The following HS3ST3A1 variants were observed in gnomAD, a reference collection of about 807,000 sequenced individuals.
HS3ST3A1 encodes heparan sulfate-glucosamine 3-sulfotransferase 3A1.
Under a neutral mutation model 25.7 loss-of-function variants are expected in HS3ST3A1, and 19 were observed. That is an observed-to-expected ratio of 0.74 (90% confidence interval 0.52 to 1.08). The LOEUF (loss-of-function observed/expected upper bound fraction) is 1.08. HS3ST3A1 is among the 50% of genes least tolerant of loss of function. HS3ST3A1 has a pLI of 0.00. For missense variants in HS3ST3A1, 459 were observed against 594.3 expected (o/e 0.77, Z 2.37); for synonymous variants, 226 against 278.6 (o/e 0.81, Z 1.88).
At chr17:13,551,626 G>T (rs1397769446) in intron 1 of HS3ST3A1, among the ~76,000 whole-genome samples, 1 of 106,530 alleles carries the variant, frequency 9.4e-6, no homozygotes, top group Non-Finnish European at 2.1e-5. Context: ...AAAAAAAAAA[G>T]GGGGGGGGGT....
chr17:13,494,422 C>T lies in HS3ST3A1; in HGVS notation c.*1775G>A, dbSNP rs935645643. On this transcript the variant is annotated 3_prime_UTR_variant, in exon 2 of 2. Coordinates refer to ENST00000284110, the MANE Select transcript of HS3ST3A1 (RefSeq NM_006042.3). ...AAAATATTTTTTCCTTCATTTTAAT[C>T]CTGTGTTAAGCTTCTCAAGAAATAT... is the stretch of plus-strand genomic sequence containing the variant. Among the ~76,000 whole-genome samples the T allele has an allele frequency of 6.6e-6, 1 of 152,196 alleles. No homozygotes were observed. The highest frequency in any genetic ancestry group is 2.4e-5 in the African/African-American group (1 of 41,448).
intron 1 of HS3ST3A1, among the ~76,000 whole-genome samples, chr17:13,502,500 T>G (rs1204442452): frequency 6.6e-6 from 1 of 152,136 alleles, no homozygotes; most frequent in Non-Finnish European, 1.5e-5. Context: ...TAAAAAGAAC[T>G]TCCCCCATGT....
At chr17:13,517,210 A>C (rs1048373814) in intron 1 of HS3ST3A1, among the ~76,000 whole-genome samples, 2 of 152,242 alleles carry the variant, frequency 1.3e-5, no homozygotes, top group Non-Finnish European at 2.9e-5. Flanking sequence ...AACAAATTTA[A>C]TAAATATTTA....
Position 13,600,737 on chromosome 17 carries a change from G to C in HS3ST3A1, c.393C>G (p.Ser131Arg). The C allele has an allele frequency of 2.0e-6, 3 of 1,535,572 alleles. No homozygotes were observed. The highest frequency in any genetic ancestry group is 2.6e-6 in the Non-Finnish European group (3 of 1,148,126). Residue 131 changes from serine (S) to arginine (R), a missense_variant, in exon 1 of 2, where the codon AGC becomes AGG. Physicochemically the swap from Ser to Arg is moderately radical, Grantham distance 110. Around this residue, in one of 3 missense-constraint regions of HS3ST3A1, gnomAD observed 346 missense variants for 303.9 expected, o/e 1.14. Coordinates refer to ENST00000284110, the MANE Select transcript of HS3ST3A1 (RefSeq NM_006042.3). The stretch of plus-strand genomic sequence containing the variant: ...TCCCCGGCGGGGCCTCGGCCACGGT[G>C]CTTCCGGCCCCGGAGCCGCCCGGAC... ...SGGPGGSGAG[S>R]TVAEAPPGTL...
intron 1 of HS3ST3A1, among the ~76,000 whole-genome samples, chr17:13,515,633 C>T (rs946271905): frequency 1.3e-5 from 2 of 152,078 alleles, no homozygotes; most frequent in Non-Finnish European, 2.9e-5. Flanking sequence ...TATGTGAATA[C>T]AAGTTTTACC....
At chr17:13,582,990 GA>G (rs1488739341) in intron 1 of HS3ST3A1, among the ~76,000 whole-genome samples, 4 of 152,144 alleles carry the variant, frequency 2.6e-5, no homozygotes, top group African/African-American at 9.7e-5. Flanking sequence ...AGATATGAGA[GA>G]AAAATGCAAC....
chr17:13,601,072 T>C lies in HS3ST3A1; in HGVS notation c.58A>G (p.Ser20Gly). 2 of 1,598,020 alleles carry C rather than the reference T, an allele frequency of 1.3e-6. No individual in the cohort carries two copies. Among genetic ancestry groups the C allele is most frequent in the Non-Finnish European group, 1.7e-6 (2 of 1,173,234 alleles). Residue 20 changes from serine (S) to glycine (G), a missense_variant, in exon 1 of 2, where the codon AGC becomes GGC. Physicochemically the swap from Ser to Gly is moderately conservative, Grantham distance 56. Transcript: ENST00000284110. ...LSTSAEPLSR[S>G]IFRKFLLMLC... is the part of the protein sequence containing the mutation. ...ATCAGCAAGAACTTCCGGAAGATGC[T>C]GCGGGACAGCGGCTCGGCCGAGGTG...
At chr17:13,558,191 A>C (rs945069689) in intron 1 of HS3ST3A1, among the ~76,000 whole-genome samples, 32 of 152,106 alleles carry the variant, frequency 2.1e-4, no homozygotes, top group African/African-American at 7.7e-4. Context: ...AGATAGGAGA[A>C]TCCCTTGAGC....
chr17:13,564,198 C>A (rs766019197), intron 1 of HS3ST3A1, among the ~76,000 whole-genome samples: 1 of 152,170 alleles, frequency 6.6e-6, no homozygotes. Context: ...CAGCAACATG[C>A]ATTTTTACCC....
chr17:13,515,248 C>G (rs1388028699), intron 1 of HS3ST3A1, among the ~76,000 whole-genome samples: 1 of 152,186 alleles, frequency 6.6e-6, no homozygotes, highest in African/African-American at 2.4e-5. Context: ...CAACTTCCAC[C>G]TCTTGGGTTC....
chr17:13,503,035 G>C (rs1356689334), intron 1 of HS3ST3A1, among the ~76,000 whole-genome samples: 3 of 151,920 alleles, frequency 2.0e-5, no homozygotes, highest in Non-Finnish European at 4.4e-5. Context: ...AAAATTAGCT[G>C]GGCGTGTTGG....
rs752443873 is a variant in HS3ST3A1 at position 13,496,272 on chromosome 17, C to G, written c.1146G>C (p.Arg382Ser). 4.5e-6 allele frequency: 7 copies of G among 1,540,234 alleles called. No homozygotes were observed. In the South Asian group the frequency reaches 9.0e-5, roughly 20 times the overall value. ...TGAAAGGCCGGTAGAACTCGCGCAG[C>G]CTGCGCACCACCTCGCGGTCGATCT... is the stretch of plus-strand genomic sequence containing the variant. ...HPEIDREVVRRLREFYRPFNL... is the reference protein window; with the variant it reads ...HPEIDREVVRSLREFYRPFNL... Residue 382 changes from arginine (R) to serine (S), a missense_variant, in exon 2 of 2, where the codon AGG becomes AGC. Coordinates refer to ENST00000284110, the MANE Select transcript of HS3ST3A1 (RefSeq NM_006042.3).
At position 13,494,388 on chromosome 17, in the gene HS3ST3A1, C is replaced by A. The variant is rs979980159; in HGVS notation, c.*1809G>T. On this transcript the variant is annotated 3_prime_UTR_variant, in exon 2 of 2. Transcript: ENST00000284110. ...AAGATTTGGAGCAATGACAAAATAT[C>A]TAACACTTAAAATATTTTTTCCTTC... 6.6e-6 allele frequency among the ~76,000 whole-genome samples: 1 copy of A among 152,172 alleles called. No homozygotes were observed. The highest frequency in any genetic ancestry group is 2.4e-5 in the African/African-American group (1 of 41,442).
At chr17:13,531,024 A>G (rs12949669) in intron 1 of HS3ST3A1, among the ~76,000 whole-genome samples, 68,295 of 151,968 alleles carry the variant, frequency 0.45, 17,501 homozygotes, top group African/African-American at 0.71. Context: ...GATTGGGTCA[A>G]GCAACTATTC....
intron 1 of HS3ST3A1, among the ~76,000 whole-genome samples, chr17:13,524,521 C>T (rs1906349150): frequency 6.6e-6 from 1 of 152,160 alleles, no homozygotes; most frequent in Admixed American, 6.5e-5. Context: ...GTTGGGATTA[C>T]AGGTGTGCGC....
At chr17:13,583,108 G>A (rs979066364) in intron 1 of HS3ST3A1, among the ~76,000 whole-genome samples, 2 of 152,200 alleles carry the variant, frequency 1.3e-5, no homozygotes, top group African/African-American at 4.8e-5. Context: ...GGGAGACGTA[G>A]AGAAGATACA....
chr17:13,570,656 T>A (rs1337207768), intron 1 of HS3ST3A1, among the ~76,000 whole-genome samples: 7 of 152,126 alleles, frequency 4.6e-5, no homozygotes, highest in Non-Finnish European at 8.8e-5. Context: ...TTGAATTGTT[T>A]GTAGAGATGG....
chr17:13,578,745 A>G (rs1223046582), intron 1 of HS3ST3A1, among the ~76,000 whole-genome samples: 1 of 152,156 alleles, frequency 6.6e-6, no homozygotes, highest in African/African-American at 2.4e-5. Flanking sequence ...TTTTAGCATA[A>G]CACCAGACAC....
At position 13,512,321 on chromosome 17, in the gene HS3ST3A1, A is replaced by AAAAAAAAAAAAAAC. The variant is rs1395357582; in HGVS notation, c.600-15504_600-15503insGTTTTTTTTTTTTT. On this transcript the variant is annotated intron_variant, in intron 1 of 1. Coordinates refer to ENST00000284110, the MANE Select transcript of HS3ST3A1 (RefSeq NM_006042.3). ...ACTCCGTCTCAAAAAAAAAAAAAAA[A>AAAAAAAAAAAAAAC]AAAAAACTGCATGATCCCATTTATA... Among the ~76,000 whole-genome samples, 260 of 144,698 alleles carry AAAAAAAAAAAAAAC rather than the reference A, an allele frequency of 1.8e-3. 3 individuals carry two copies. Among genetic ancestry groups the AAAAAAAAAAAAAAC allele is most frequent in the Middle Eastern group, 7.1e-3 (2 of 282 alleles). The allele number at this position is 144,698 out of a possible 152,430, so 94.9% of individuals were successfully genotyped here. A position where few individuals can be genotyped will look rare whatever the true frequency, so the allele number is the denominator to read the frequency against.
Sources: gnomAD v4.1 joint callset for allele counts (sites outside exome capture counted in the v4.1 genomes callset) on GRCh38, gnomAD v4.1.1 for gene constraint, gnomAD v4.1.1 regional missense constraint, MANE v1.5 for transcripts, NCBI Gene and HGNC (gene_info 2026-07-23, HGNC 2026-07-21) for gene names.